POLK: variants seen among roughly 807,000 people sequenced by gnomAD.
POLK encodes polymerase (DNA directed) kappa.
A neutral mutation model predicts 94.0 loss-of-function variants in POLK; 76 were observed. The observed-to-expected ratio is 0.81, with a 90% CI of 0.67 to 0.98. The LOEUF (loss-of-function observed/expected upper bound fraction) is 0.98, where lower values mean the gene tolerates loss of function less well. POLK is among the 50% of genes least tolerant of loss of function. POLK has a pLI of 0.00. For synonymous variants in POLK, 349 were observed against 325.4 expected (o/e 1.07, Z -0.78); for missense variants, 954 against 1,010.1 (o/e 0.94, Z 0.75).
exon 13 of POLK, chr5:75,597,129 G>A: frequency 6.2e-7 from 1 of 1,611,560 alleles, no homozygotes; most frequent in Non-Finnish European, 8.5e-7. Context: ...AATTAAGAAA[G>A]GATAAATTTA....
At chr5:75,577,856 GCT>G (rs1035554515) in intron 6 of POLK, among the ~76,000 whole-genome samples, 2 of 152,176 alleles carry the variant, frequency 1.3e-5, no homozygotes, top group East Asian at 1.9e-4. Context: ...CTAAGGGATA[GCT>G]CTCTCTTTTT....
At chr5:75,551,863 A>G (rs1770352896) in intron 2 of POLK, among the ~76,000 whole-genome samples, 2 of 152,196 alleles carry the variant, frequency 1.3e-5, no homozygotes, top group South Asian at 2.1e-4. Context: ...CCCTACTCCT[A>G]GTTACCTACC....
At chr5:75,600,303 C>T (rs1316117910) in exon 15 of POLK, 1 of 152,008 alleles carries the variant, frequency 6.6e-6, no homozygotes, top group East Asian at 1.9e-4. Flanking sequence ...ACCTTATTTG[C>T]AAAAATGAAA....
At chr5:75,510,857 G>A (rs1224743914), upstream of POLK, among the ~76,000 whole-genome samples, 3 of 152,160 alleles carry the variant, frequency 2.0e-5, no homozygotes, top group East Asian at 3.9e-4. Flanking sequence ...CCAAGTCACG[G>A]CGCGCATCTG....
chr5:75,562,633 A>G (rs532882667), intron 3 of POLK, among the ~76,000 whole-genome samples: 1 of 152,252 alleles, frequency 6.6e-6, no homozygotes, highest in South Asian at 2.1e-4. Flanking sequence ...TCAGTATGAT[A>G]TTGGCTGTGG....
At chr5:75,562,427 T>G (rs1357546070) in intron 3 of POLK, among the ~76,000 whole-genome samples, 2 of 152,210 alleles carry the variant, frequency 1.3e-5, no homozygotes, top group East Asian at 3.9e-4. Flanking sequence ...AATGGGGTTT[T>G]CTAAATATAC....
intron 6 of POLK, among the ~76,000 whole-genome samples, chr5:75,578,686 A>G (rs1029264291): frequency 2.0e-5 from 3 of 152,186 alleles, no homozygotes; most frequent in African/African-American, 7.2e-5. Context: ...TCAATAGTGC[A>G]TTGGAACTGT....
chr5:75,544,320 A>T (rs1433264898), intron 1 of POLK, among the ~76,000 whole-genome samples: 1 of 152,144 alleles, frequency 6.6e-6, no homozygotes, highest in Non-Finnish European at 1.5e-5. Flanking sequence ...CCAGGAATTC[A>T]AGTCCAGCCT....
chr5:75,556,395 G>A (rs1201015502), intron 3 of POLK, among the ~76,000 whole-genome samples: 1 of 152,144 alleles, frequency 6.6e-6, no homozygotes, highest in Non-Finnish European at 1.5e-5. Flanking sequence ...AGAGTTCTTC[G>A]TGTATTTTGG....
chr5:75,538,878 C>T (rs1056658671), intron 1 of POLK, among the ~76,000 whole-genome samples: 8 of 152,252 alleles, frequency 5.3e-5, no homozygotes, highest in African/African-American at 1.9e-4. Context: ...TCAAGCAATT[C>T]TCCTGCCTCA....
exon 13 of POLK, chr5:75,596,967 A>G (rs1773123710): frequency 3.1e-6 from 5 of 1,613,832 alleles, no homozygotes; most frequent in Admixed American, 1.7e-5. Flanking sequence ...ATGTTGGATC[A>G]TTTAGACAAG....
At chr5:75,540,795 A>T (rs1038736464) in intron 1 of POLK, among the ~76,000 whole-genome samples, 15 of 152,180 alleles carry the variant, frequency 9.9e-5, no homozygotes. Flanking sequence ...TTTTGCCGAC[A>T]TCTAGTGCCC....
intron 1 of POLK, among the ~76,000 whole-genome samples, chr5:75,526,381 A>T (rs868266194): frequency 2.0e-5 from 3 of 152,210 alleles, no homozygotes; most frequent in Middle Eastern, 6.8e-3. Flanking sequence ...CTCTTAGAAA[A>T]TAAAAAACCT....
intron 1 of POLK, among the ~76,000 whole-genome samples, chr5:75,513,901 C>T (rs946280505): frequency 3.9e-5 from 6 of 151,990 alleles, no homozygotes; most frequent in African/African-American, 1.5e-4. Flanking sequence ...ATTTTAAAGG[C>T]ATACTATATA....
At chr5:75,603,022 C>A (rs985723341), downstream of POLK, among the ~76,000 whole-genome samples, 2 of 152,106 alleles carry the variant, frequency 1.3e-5, no homozygotes, top group Non-Finnish European at 2.9e-5. Flanking sequence ...TATAACAGAA[C>A]TTAAGAAGGA....
intron 8 of POLK, among the ~76,000 whole-genome samples, chr5:75,584,410 G>A (rs2112834589): frequency 6.6e-6 from 1 of 152,204 alleles, no homozygotes; most frequent in East Asian, 1.9e-4. Context: ...GATGATAAAA[G>A]ATATAATGAG....
intron 9 of POLK, 97 bp from the exon 10 acceptor site, chr5:75,586,929 G>C: frequency 1.3e-6 from 1 of 779,936 alleles, no homozygotes; most frequent in Non-Finnish European, 2.1e-6. Context: ...TAAAAAATTT[G>C]AGAGCTCTAA....
intron 3 of POLK, among the ~76,000 whole-genome samples, chr5:75,563,019 G>A (rs554983466): frequency 1.2e-4 from 19 of 152,294 alleles, no homozygotes; most frequent in African/African-American, 4.1e-4. Flanking sequence ...GATGATGCTG[G>A]CCTCATAAAA....
chr5:75,581,678 C>CTTTT, intron 7 of POLK: 1 of 306,716 alleles, frequency 3.3e-6, no homozygotes, highest in Non-Finnish European at 6.0e-6. Context: ...ACGTTTCTTT[C>CTTTT]TTTTTTTTTT....
Sources: allele counts gnomAD v4.1 joint callset (sites outside exome capture counted in the v4.1 genomes callset), GRCh38; gene constraint gnomAD v4.1.1; transcripts MANE v1.5; gene names NCBI Gene and HGNC (gene_info 2026-07-23, HGNC 2026-07-21).